The following NOTCH1 variants were observed in gnomAD, a reference collection of about 807,000 sequenced individuals.
NOTCH1 encodes the protein neurogenic locus notch homolog protein 1.
In NOTCH1, 37 loss-of-function variants were observed where a neutral mutation model predicts 254.8. The observed-to-expected ratio is 0.15, with a 90% confidence interval of 0.11 to 0.19. The LOEUF (loss-of-function observed/expected upper bound fraction) is 0.19. Ranked by LOEUF, NOTCH1 falls within the 10% of genes least tolerant of loss-of-function variation. NOTCH1 has a pLI of 1.00. For missense variants in NOTCH1, 2,972 were observed against 3,708.6 expected, an observed-to-expected ratio of 0.80 and a Z score of 5.16; for synonymous variants, 1,731 against 1,618.1, an observed-to-expected ratio of 1.07 and a Z score of -1.68.
At position 136,518,119 on chromosome 9, in the gene NOTCH1, C is replaced by T. The variant is rs1843307042; in HGVS notation, c.1255+18G>A. On this transcript the variant is annotated intron_variant, in intron 7 of 33. Transcript: ENST00000651671. ...GCTGCCACCCCCACCTGGCCGCACC[C>T]CCTGTGCTGGCACCTACCCAGCGAG... 6.3e-7 allele frequency: 1 copy of T among 1,576,298 alleles called. No individual in the cohort carries two copies. Among genetic ancestry groups the T allele is most frequent in the Non-Finnish European group, 8.6e-7 (1 of 1,163,346 alleles).
At position 136,515,655 on chromosome 9, in the gene NOTCH1, G is replaced by A. The variant is rs377472138; in HGVS notation, c.1731C>T (p.Tyr577=). 4.8e-5 allele frequency: 76 copies of A among 1,586,918 alleles called. No individual in the cohort carries two copies. The highest frequency in any genetic ancestry group is 6.9e-5 in the East Asian group (3 of 43,632). Residue 577 remains tyrosine, a synonymous_variant, in exon 11 of 34, where the codon TAC becomes TAT. Transcript: ENST00000651671. ...TGGCGACGCCGTCCTTGCAGGAGCC[G>A]TAGTGGCAGGGGTCGGGGTCGCACT... ...IDECDPDPCH[Y]GSCKDGVATF... is the part of the protein sequence containing the mutation.
At position 136,496,499 on chromosome 9, in the gene NOTCH1, G is replaced by A; in HGVS notation, c.7240C>T (p.Pro2414Ser). 6.2e-7 allele frequency: 1 copy of A among 1,602,474 alleles called. No individual in the cohort carries two copies. The highest frequency in any genetic ancestry group is 1.7e-5 in the Admixed American group (1 of 60,024). ...CTCACGCCAAGGTGCGGCTGTGGTG[G>A]TGGTGGTGGCGGCTGCAGGCTTTGC... ...QQQSLQPPPP[P>S]PQPHLGVSSA... is the part of the protein sequence containing the mutation. The change falls in exon 34 of 34, where the codon CCA becomes TCA. Residue 2414 changes from proline to serine, a missense_variant. Physicochemically the swap from Pro to Ser is moderately conservative, Grantham distance 74. Transcript: ENST00000651671.
intron 3 of NOTCH1, 70 bp downstream of exon 3, chr9:136,523,647 C>T (rs2133378653): frequency 2.6e-6 from 4 of 1,543,410 alleles, no homozygotes; most frequent in Non-Finnish European, 3.5e-6. Context: ...CGCCAAGTAC[C>T]TCAAGTTGCC....
At chr9:136,522,565 C>T in intron 4 of NOTCH1, 1 of 475,322 alleles carries the variant, frequency 2.1e-6, no homozygotes, top group East Asian at 3.5e-5. Context: ...AGGGTGCCTG[C>T]ACTGGGGGGA....
chr9:136,507,876 T>C (rs1377885604), intron 21 of NOTCH1, 79 bp downstream of exon 21: 3 of 1,479,758 alleles, frequency 2.0e-6, no homozygotes, highest in African/African-American at 2.8e-5. Flanking sequence ...TTTTCTCCAC[T>C]GGGCCAGCTC....
At chr9:136,527,383 C>T (rs1241860562) in intron 2 of NOTCH1, among the ~76,000 whole-genome samples, 1 of 152,250 alleles carries the variant, frequency 6.6e-6, no homozygotes, top group African/African-American at 2.4e-5. Flanking sequence ...TCAATGCTGT[C>T]CCGGCGGCCA....
At chr9:136,536,425 G>C (rs1479599314) in intron 2 of NOTCH1, among the ~76,000 whole-genome samples, 1 of 152,210 alleles carries the variant, frequency 6.6e-6, no homozygotes, top group Non-Finnish European at 1.5e-5. Context: ...CTGACCCTGA[G>C]GGTCCAGGGG....
chr9:136,523,472 C>T (rs956498171), intron 3 of NOTCH1, among the ~76,000 whole-genome samples: 7 of 152,204 alleles, frequency 4.6e-5, no homozygotes, highest in Non-Finnish European at 1.0e-4. Context: ...GGGGCAGGGG[C>T]GGCCTGGACA....
intron 33 of NOTCH1, 69 bp from the exon 34 acceptor site, chr9:136,497,627 T>A: frequency 7.2e-7 from 1 of 1,388,450 alleles, no homozygotes; most frequent in Admixed American, 2.2e-5. Context: ...CAAGGTTCCA[T>A]CACCAGAGGA....
chr9:136,544,240 A>G (rs982421284), intron 1 of NOTCH1, 138 bp from the exon 2 acceptor site: 22 of 806,218 alleles, frequency 2.7e-5, no homozygotes, highest in Non-Finnish European at 4.5e-5. Flanking sequence ...TCTGCTCAGT[A>G]TCATGGGTTG....
rs1250924143 is a variant in NOTCH1, at chr9:136,533,271, T to A, written c.141-9292A>T. On this transcript the variant is annotated intron_variant, in intron 2 of 33. Coordinates refer to ENST00000651671, the MANE Select transcript of NOTCH1 (RefSeq NM_017617.5). The stretch of plus-strand genomic sequence containing the variant: ...GAGTGGAGGCCCAAGGGGGGGACTC[T>A]GGCCCAGCCCCCTCCGCGCACCAGC... Among the ~76,000 whole-genome samples the A allele has an allele frequency of 5.1e-4, 24 of 46,974 alleles. 2 individuals are homozygous for A. Among genetic ancestry groups the A allele is most frequent in the South Asian group, 4.3e-3 (3 of 690 alleles). The allele number at this position is 46,974 out of a possible 152,430, so 30.8% of individuals were successfully genotyped here. A position where few individuals can be genotyped will look rare whatever the true frequency, so the allele number is the denominator to read the frequency against.
In NOTCH1 at chr9:136,497,390, T is replaced by A. The variant is rs1394353648; in HGVS notation, c.6349A>T (p.Asn2117Tyr). The A allele has an allele frequency of 6.2e-7, 1 of 1,610,132 alleles. No individual in the cohort carries two copies. Among genetic ancestry groups the A allele is most frequent in the Admixed American group, 1.7e-5 (1 of 60,014 alleles). Residue 2117 changes from asparagine (N) to tyrosine (Y), a missense_variant, in exon 34 of 34, where the codon AAC (asparagine) becomes TAC (tyrosine). Around this residue, in one of 8 missense-constraint regions of NOTCH1, gnomAD observed 529 missense variants for 529.2 expected, o/e 1.00. Coordinates refer to ENST00000651671, the MANE Select transcript of NOTCH1 (RefSeq NM_017617.5). ...TGCAGCTGCGGGCTGCGCACCAGGT[T>A]GTACTCGTCCAGCAGCCTCACGATG... is the stretch of plus-strand genomic sequence containing the variant. ...HDIVRLLDEY[N>Y]LVRSPQLHGA...
At chr9:136,503,044 G>C (rs1244275198) in intron 27 of NOTCH1, 138 bp downstream of exon 27, 1 of 1,308,576 alleles carries the variant, frequency 7.6e-7, no homozygotes, top group African/African-American at 1.4e-5. Context: ...GAAAATTCCA[G>C]AAAAGCCCTA....
intron 4 of NOTCH1, chr9:136,522,638 T>C: frequency 1.7e-6 from 1 of 571,882 alleles, no homozygotes; most frequent in Non-Finnish European, 3.0e-6. Context: ...GGCTGGCACC[T>C]GGACCCTGTG....
chr9:136,521,570 GC>G (rs1417971406), intron 4 of NOTCH1, among the ~76,000 whole-genome samples: 2 of 152,186 alleles, frequency 1.3e-5, no homozygotes, highest in Non-Finnish European at 2.9e-5. Flanking sequence ...CAAGAGCTTG[GC>G]CCCTCAATCC....
rs762886963 is a variant in NOTCH1 at position 136,518,197 on chromosome 9, T to A, written c.1195A>T (p.Thr399Ser). ...GGGCCCGTGTACCCCGAGGGGCAGG[T>A]GCAGATGGCCTTGCCATTGACAGGG... ...TNPVNGKAIC[T>S]CPSGYTGPAC... is the part of the protein sequence containing the mutation. Residue 399 changes from threonine to serine, a missense_variant, in exon 7 of 34, where the codon ACC (threonine) becomes TCC (serine). Coordinates refer to ENST00000651671, the MANE Select transcript of NOTCH1 (RefSeq NM_017617.5). 1 of 1,603,678 alleles carries A rather than the reference T, an allele frequency of 6.2e-7. No individual in the cohort carries two copies. The highest frequency in any genetic ancestry group is 8.5e-7 in the Non-Finnish European group (1 of 1,176,028).
rs772606975 is a variant in NOTCH1 at position 136,498,895 on chromosome 9, T to G, written c.6180+4A>C. ...CTCCCCTGGCATCCCAGCCTCGCGC[T>G]CACCCTGTTGTTCTGCATATCTTTG... On this transcript the variant is annotated splice_donor_region_variant and intron_variant, in intron 33 of 33. Coordinates refer to ENST00000651671, the MANE Select transcript of NOTCH1 (RefSeq NM_017617.5). 1 of 1,613,556 alleles carries G rather than the reference T, an allele frequency of 6.2e-7. No homozygotes were observed.
In NOTCH1 at chr9:136,518,831, G is replaced by A. The variant is rs368001435; in HGVS notation, c.866-7C>T. On this transcript the variant is annotated splice_region_variant and splice_polypyrimidine_tract_variant and intron_variant, in intron 5 of 33. Coordinates refer to ENST00000651671, the MANE Select transcript of NOTCH1 (RefSeq NM_017617.5). ...TCCTCGGTACAGTACTGACCTGCAG[G>A]GAACAGGAGCTGTCGGCCCCGGGCA... The A allele has an allele frequency of 6.2e-7, 1 of 1,611,996 alleles. No individual in the cohort carries two copies. Among genetic ancestry groups the A allele is most frequent in the Non-Finnish European group, 8.5e-7 (1 of 1,179,422 alleles).
chr9:136,539,916 A>C (rs1318186466), intron 2 of NOTCH1, among the ~76,000 whole-genome samples: 2 of 152,000 alleles, frequency 1.3e-5, no homozygotes, highest in Non-Finnish European at 2.9e-5. Flanking sequence ...CTCTTCTTTT[A>C]AGGGGAAGCC....
Sources: allele counts gnomAD v4.1 joint callset (sites outside exome capture counted in the v4.1 genomes callset), GRCh38; gene constraint gnomAD v4.1.1; regional missense constraint gnomAD v4.1.1; transcripts MANE v1.5; gene names NCBI Gene and HGNC (gene_info 2026-07-23, HGNC 2026-07-21).